The following ZNF804A variants were observed in gnomAD, a reference collection of about 807,000 sequenced individuals.
ZNF804A encodes zinc finger protein 804A.
Under a neutral mutation model 16.5 loss-of-function variants are expected in ZNF804A, and 2 were observed. The ratio of observed to expected loss-of-function variants is 0.12; its 90% confidence interval spans 0.05 to 0.38. The LOEUF (loss-of-function observed/expected upper bound fraction) is 0.38, where lower values mean the gene tolerates loss of function less well. Among genes scored for constraint, ZNF804A ranks in the 10% least tolerant of loss-of-function variants. The probability of loss-of-function intolerance (pLI) is 0.99; values close to 1 mark genes in which losing one functional copy is unlikely to be tolerated. For synonymous variants in ZNF804A, 534 were observed against 489.6 expected (o/e 1.09, Z -1.20); for missense variants, 1,473 against 1,390.7 (o/e 1.06, Z -0.94).
intron 1 of ZNF804A, among the ~76,000 whole-genome samples, chr2:184,608,789 A>G (rs1691192269): frequency 6.6e-6 from 1 of 152,188 alleles, no homozygotes; most frequent in Admixed American, 6.5e-5. Flanking sequence ...CATGAGATCC[A>G]AAGCTGAGAA....
chr2:184,762,411 G>A (rs531733151), intron 1 of ZNF804A, among the ~76,000 whole-genome samples: 15 of 151,752 alleles, frequency 9.9e-5, no homozygotes, highest in Admixed American at 3.9e-4. Flanking sequence ...AATTTATCAA[G>A]TGTATACATA....
chr2:184,856,864 C>A (rs1197540290), intron 1 of ZNF804A, among the ~76,000 whole-genome samples: 2 of 152,008 alleles, frequency 1.3e-5, no homozygotes, highest in Non-Finnish European at 2.9e-5. Flanking sequence ...AATTTTAAGT[C>A]CAAAACACTC....
intron 1 of ZNF804A, among the ~76,000 whole-genome samples, chr2:184,726,600 A>G (rs1172427415): frequency 2.6e-5 from 4 of 151,686 alleles, no homozygotes; most frequent in Admixed American, 6.6e-5. Flanking sequence ...AAATAATTAC[A>G]TAAATGCATT....
chr2:184,642,414 T>C (rs1691808558), intron 1 of ZNF804A, among the ~76,000 whole-genome samples: 1 of 152,152 alleles, frequency 6.6e-6, no homozygotes, highest in Non-Finnish European at 1.5e-5. Flanking sequence ...TCAGACATAC[T>C]AGCTGAGGAA....
chr2:184,879,566 T>C lies in ZNF804A; in HGVS notation c.255+13054T>C, dbSNP rs76672122. ...CAAACAAGTATGCAATAGAGTCAACTGAAACACATTGTTCATACTTTTTAG... is the reference window on the plus strand; with the variant it reads ...CAAACAAGTATGCAATAGAGTCAACCGAAACACATTGTTCATACTTTTTAG... On this transcript the variant is annotated intron_variant, in intron 2 of 3. Transcript: ENST00000302277. Among the ~76,000 whole-genome samples, 579 of 152,148 alleles carry C rather than the reference T, an allele frequency of 3.8e-3. 25 individuals are homozygous for C. The East Asian group carries it at 0.072, about 19-fold the overall frequency.
rs747534344 is a variant in ZNF804A, at chr2:184,938,428, A to C, written c.3032A>C (p.His1011Pro). The C allele has an allele frequency of 6.2e-7, 1 of 1,614,078 alleles. No individual in the cohort carries two copies. Among genetic ancestry groups the C allele is most frequent in the East Asian group, 2.2e-5 (1 of 44,846 alleles). ...TQPPLPFKEAHVSGHTFVTAE... is the reference protein window; with the variant it reads ...TQPPLPFKEAPVSGHTFVTAE... ...CCACCATTACCATTCAAAGAAGCAC[A>C]TGTCAGTGGTCATACTTTTGTAACA... Residue 1011 changes from histidine to proline, a missense_variant, in exon 4 of 4, where the codon CAT (histidine) becomes CCT (proline). By Grantham distance (77) the His-to-Pro change is moderately conservative. Transcript: ENST00000302277.
intron 2 of ZNF804A, among the ~76,000 whole-genome samples, chr2:184,898,695 AC>A (rs1685128910): frequency 6.6e-6 from 1 of 152,136 alleles, no homozygotes; most frequent in South Asian, 2.1e-4. Context: ...TTAATAATTT[AC>A]TTTTATACAG....
At chr2:184,868,515 A>C (rs977380975) in intron 2 of ZNF804A, among the ~76,000 whole-genome samples, 11 of 152,038 alleles carry the variant, frequency 7.2e-5, no homozygotes, top group Non-Finnish European at 1.5e-4. Context: ...AAAAGAAAAA[A>C]ATGCCTAATG....
At chr2:184,643,198 T>G (rs1334782122) in intron 1 of ZNF804A, among the ~76,000 whole-genome samples, 1 of 152,042 alleles carries the variant, frequency 6.6e-6, no homozygotes, top group Non-Finnish European at 1.5e-5. Flanking sequence ...TTACTTTTCT[T>G]TTTATTTGTT....
intron 1 of ZNF804A, among the ~76,000 whole-genome samples, chr2:184,741,252 G>A (rs1318843206): frequency 2.0e-5 from 3 of 152,134 alleles, no homozygotes; most frequent in Non-Finnish European, 4.4e-5. Context: ...AGGAAGAGCT[G>A]TATGGGGCAG....
rs1432859516 is a variant in ZNF804A, at chr2:184,804,692, A to AT, written c.112-61674dup. Among the ~76,000 whole-genome samples, 3 of 152,354 alleles carry AT rather than the reference A, an allele frequency of 2.0e-5. No individual in the cohort carries two copies. In the East Asian group the frequency reaches 5.8e-4, roughly 29 times the overall value. On this transcript the variant is annotated intron_variant, in intron 1 of 3. Transcript: ENST00000302277. ...ATTTTATGAAAATGTGTGGTAGGAA[A>AT]TTTACAAAAATTGAAAAAGCAAAGA...
chr2:184,753,591 T>C (rs988828158), intron 1 of ZNF804A, among the ~76,000 whole-genome samples: 2 of 151,840 alleles, frequency 1.3e-5, no homozygotes, highest in South Asian at 2.1e-4. Context: ...TGGAATCTAA[T>C]AGGTGTCCTA....
intron 1 of ZNF804A, among the ~76,000 whole-genome samples, chr2:184,855,617 C>T (rs1948917): frequency 0.085 from 5,283 of 62,092 alleles, 118 homozygotes; most frequent in African/African-American, 0.19. Flanking sequence ...TATATATATA[C>T]ACACACACAC....
intron 1 of ZNF804A, among the ~76,000 whole-genome samples, chr2:184,624,369 G>T (rs1248807297): frequency 6.6e-5 from 10 of 152,106 alleles, no homozygotes; most frequent in Admixed American, 6.6e-4. Flanking sequence ...TTCTGTGAAA[G>T]TCTTTCATCT....
intron 1 of ZNF804A, among the ~76,000 whole-genome samples, chr2:184,700,615 C>T (rs1298164832): frequency 6.6e-6 from 1 of 151,972 alleles, no homozygotes; most frequent in Non-Finnish European, 1.5e-5. Context: ...TGGAAGACAA[C>T]CTTGAATGAC....
intron 1 of ZNF804A, among the ~76,000 whole-genome samples, chr2:184,742,504 T>G (rs986943498): frequency 2.0e-5 from 3 of 151,972 alleles, no homozygotes; most frequent in African/African-American, 7.2e-5. Flanking sequence ...TATCACCTGA[T>G]AGAAAGAATA....
chr2:184,919,947 T>G (rs976329491), intron 2 of ZNF804A, among the ~76,000 whole-genome samples: 1 of 152,094 alleles, frequency 6.6e-6, no homozygotes, highest in Admixed American at 6.6e-5. Context: ...GAAATCCATC[T>G]CTACTAATAA....
chr2:184,716,228 C>A (rs1693211318), intron 1 of ZNF804A, among the ~76,000 whole-genome samples: 2 of 152,090 alleles, frequency 1.3e-5, no homozygotes, highest in Non-Finnish European at 2.9e-5. Flanking sequence ...TTGCCATTTT[C>A]ATGATTATGA....
intron 2 of ZNF804A, among the ~76,000 whole-genome samples, chr2:184,913,505 T>A (rs1349743583): frequency 6.6e-6 from 1 of 152,170 alleles, no homozygotes; most frequent in East Asian, 1.9e-4. Flanking sequence ...TAATTTTTGC[T>A]TTATTTCTGA....
Sources: allele counts gnomAD v4.1 joint callset (sites outside exome capture counted in the v4.1 genomes callset), GRCh38; gene constraint gnomAD v4.1.1; transcripts MANE v1.5; gene names NCBI Gene and HGNC (gene_info 2026-07-23, HGNC 2026-07-21).